Variants in VCAN observed in about 807,000 individuals in gnomAD.
The protein encoded by VCAN is versican core protein.
VCAN carries 44 observed loss-of-function variants against 245.5 expected under a neutral mutation model. That is an observed-to-expected ratio of 0.18 (90% CI 0.14 to 0.23). VCAN has a LOEUF of 0.23. Among genes scored for constraint, VCAN ranks in the 10% least tolerant of loss-of-function variants. The probability of loss-of-function intolerance (pLI) is 1.00; values close to 1 mark genes in which losing one functional copy is unlikely to be tolerated. For missense variants in VCAN, 3,793 were observed against 4,057.9 expected, an observed-to-expected ratio of 0.93 and a Z score of 1.77; for synonymous variants, 1,413 against 1,437.0, an observed-to-expected ratio of 0.98 and a Z score of 0.38.
chr5:83,549,236 C>A (rs569763890), intron 10 of VCAN, among the ~76,000 whole-genome samples: 1 of 152,326 alleles, frequency 6.6e-6, no homozygotes, highest in Admixed American at 6.5e-5. Flanking sequence ...CATTTACTGT[C>A]TTCCAGGCAC....
chr5:83,511,522 G>T (rs565890552), intron 5 of VCAN, among the ~76,000 whole-genome samples: 1 of 151,610 alleles, frequency 6.6e-6, no homozygotes, highest in Non-Finnish European at 1.5e-5. Flanking sequence ...GTAGAATTCT[G>T]TACCACTTCT....
In VCAN at chr5:83,539,080, T is replaced by C. The variant is rs375343825; in HGVS notation, c.6077T>C (p.Leu2026Pro). The C allele has an allele frequency of 3.7e-6, 6 of 1,613,860 alleles. No individual in the cohort carries two copies. Among genetic ancestry groups the C allele is most frequent in the Non-Finnish European group, 5.1e-6 (6 of 1,179,954 alleles). Reference protein sequence around the residue: ...VTVSSSVVPVLPSAVQKFSGT... With the variant: ...VTVSSSVVPVPPSAVQKFSGT... Reference sequence around the variant, plus strand: ...GTCAGCAGCTCTGTTGTTCCAGTGCTTCCCAGTGCTGTGCAAAAGTTTTCT... The same window carrying C: ...GTCAGCAGCTCTGTTGTTCCAGTGCCTCCCAGTGCTGTGCAAAAGTTTTCT... Residue 2026 changes from leucine to proline, a missense_variant, in exon 8 of 15, where the codon CTT becomes CCT. Physicochemically the swap from Leu to Pro is moderately conservative, Grantham distance 98. Around this residue, in one of 5 missense-constraint regions of VCAN, gnomAD observed 3,182 missense variants for 3,250.3 expected, o/e 0.98. Transcript: ENST00000265077.
intron 13 of VCAN, among the ~76,000 whole-genome samples, chr5:83,576,616 T>A (rs1028402003): frequency 6.6e-6 from 1 of 152,138 alleles, no homozygotes; most frequent in Admixed American, 6.5e-5. Flanking sequence ...ATAGGATATA[T>A]GTACCATAAA....
rs1165472138 is a variant in VCAN, at chr5:83,521,888, A to G, written c.3582A>G (p.Ile1194Met). 10 of 1,614,226 alleles carry G rather than the reference A, an allele frequency of 6.2e-6. No homozygotes were observed. In the East Asian group the frequency reaches 2.2e-4, roughly 36 times the overall value. ...LFEKPKATELIEFSTIKVTVP... is the reference protein window; with the variant it reads ...LFEKPKATELMEFSTIKVTVP... Reference sequence around the variant, plus strand: ...AAAAGCCCAAAGCCACAGAACTCATAGAATTTTCAACAATCAAAGTCACAG... The same window carrying G: ...AAAAGCCCAAAGCCACAGAACTCATGGAATTTTCAACAATCAAAGTCACAG... The change falls in exon 7 of 15, where the codon ATA (isoleucine) becomes ATG (methionine). Residue 1194 changes from isoleucine (I) to methionine (M), a missense_variant. Coordinates refer to ENST00000265077, the MANE Select transcript of VCAN (RefSeq NM_004385.5).
chr5:83,580,564 T>G lies in VCAN; in HGVS notation c.*130T>G, dbSNP rs1048238844. The G allele has an allele frequency of 7.2e-7, 1 of 1,390,840 alleles. No homozygotes were observed. Among genetic ancestry groups the G allele is most frequent in the Non-Finnish European group, 1.0e-6 (1 of 1,003,354 alleles). The allele number at this position is 1,390,840 out of a possible 1,614,324, so 86.2% of individuals were successfully genotyped here. A position where few individuals can be genotyped will look rare whatever the true frequency, so the allele number is the denominator to read the frequency against. On this transcript the variant is annotated 3_prime_UTR_variant, in exon 15 of 15. Transcript: ENST00000265077. ...TGGACCACCGTTCAGTCATTTTGGG[T>G]TGCCGTGCTCCCAAAACATTTTAAA...
At chr5:83,562,504 T>C (rs549793539) in intron 12 of VCAN, among the ~76,000 whole-genome samples, 1 of 152,224 alleles carries the variant, frequency 6.6e-6, no homozygotes, top group East Asian at 1.9e-4. Context: ...ATTTTATAAT[T>C]GACAAGATTA....
intron 10 of VCAN, among the ~76,000 whole-genome samples, chr5:83,550,058 G>A (rs1485698999): frequency 6.6e-6 from 1 of 152,200 alleles, no homozygotes; most frequent in Non-Finnish European, 1.5e-5. Flanking sequence ...ACAAAATCTA[G>A]AAAGGGCTAT....
In VCAN at chr5:83,536,814, A is replaced by G. The variant is rs998758248; in HGVS notation, c.4004-193A>G. On this transcript the variant is annotated intron_variant, in intron 7 of 14. Coordinates refer to ENST00000265077, the MANE Select transcript of VCAN (RefSeq NM_004385.5). ...GTTTTAATAATGTTAAATTGAATTC[A>G]TTTTTCTTATTGTTAATACAAAAAC... 9.9e-6 allele frequency: 5 copies of G among 503,426 alleles called. No individual in the cohort carries two copies. The Admixed American group carries it at 1.5e-4, about 15-fold the overall frequency. The allele number at this position is 503,426 out of a possible 1,614,324, so 31.2% of individuals were successfully genotyped here. A position where few individuals can be genotyped will look rare whatever the true frequency, so the allele number is the denominator to read the frequency against.
intron 8 of VCAN, among the ~76,000 whole-genome samples, chr5:83,545,336 T>TCCC (rs1311394498): frequency 6.6e-6 from 1 of 152,140 alleles, no homozygotes; most frequent in African/African-American, 2.4e-5. Context: ...CAGAAATGAA[T>TCCC]AGATGCAATT....
At chr5:83,551,888 A>G (rs1279590516) in intron 10 of VCAN, among the ~76,000 whole-genome samples, 1 of 150,536 alleles carries the variant, frequency 6.6e-6, no homozygotes, top group Non-Finnish European at 1.5e-5. Context: ...AATTTGCTTC[A>G]TTTTGAGGCA....
intron 1 of VCAN, among the ~76,000 whole-genome samples, chr5:83,479,104 T>G (rs1243857253): frequency 6.6e-6 from 1 of 152,136 alleles, no homozygotes; most frequent in East Asian, 1.9e-4. Context: ...TCACGTGATT[T>G]CTCTCTGCTG....
At chr5:83,553,185 C>T (rs190355049) in intron 10 of VCAN, among the ~76,000 whole-genome samples, 179 bp from the exon 11 acceptor site, 2 of 152,256 alleles carry the variant, frequency 1.3e-5, no homozygotes, top group African/African-American at 2.4e-5. Context: ...CCACTTGGCA[C>T]GAATCAGTTG....
At position 83,520,676 on chromosome 5, in the gene VCAN, T is replaced by C. The variant is rs960869863; in HGVS notation, c.2370T>C (p.His790=). ...ATATTACAACAGTGCTTTTGGCCCA[T>C]GGTACTTTAAGTGTTGAAGCAGCCA... The part of the protein sequence containing the change: ...DENITTVLLA[H]GTLSVEAATV... The change falls in exon 7 of 15, where the codon CAT becomes CAC. Residue 790 remains histidine (H), a synonymous_variant. Coordinates refer to ENST00000265077, the MANE Select transcript of VCAN (RefSeq NM_004385.5). 1.9e-6 allele frequency: 3 copies of C among 1,613,988 alleles called. No individual in the cohort carries two copies. Among genetic ancestry groups the C allele is most frequent in the Non-Finnish European group, 2.5e-6 (3 of 1,180,022 alleles).
intron 7 of VCAN, among the ~76,000 whole-genome samples, chr5:83,530,747 G>A (rs1271307075): frequency 6.6e-6 from 1 of 152,096 alleles, no homozygotes; most frequent in Non-Finnish European, 1.5e-5. Context: ...GTGAGGGTGG[G>A]ATGGATGAGG....
chr5:83,578,548 C>T (rs942461244), intron 13 of VCAN, among the ~76,000 whole-genome samples: 9 of 151,782 alleles, frequency 5.9e-5, no homozygotes, highest in Non-Finnish European at 1.3e-4. Flanking sequence ...AAGAACCAAA[C>T]ATTTAAATTA....
At position 83,580,799 on chromosome 5, in the gene VCAN, A is replaced by G. The variant is rs771691389; in HGVS notation, c.*365A>G. 3 of 318,958 alleles carry G rather than the reference A, an allele frequency of 9.4e-6. No individual in the cohort carries two copies. Among genetic ancestry groups the G allele is most frequent in the Non-Finnish European group, 1.8e-5 (3 of 164,296 alleles). 19.8% of individuals were successfully genotyped at this position (318,958 alleles called of 1,614,324 possible). ...ATAAGATGATTTAATGTTGATTTTAATCCTGTATATAAAATAAAAAGTCAC... is the reference window on the plus strand; with the variant it reads ...ATAAGATGATTTAATGTTGATTTTAGTCCTGTATATAAAATAAAAAGTCAC... On this transcript the variant is annotated 3_prime_UTR_variant, in exon 15 of 15. Coordinates refer to ENST00000265077, the MANE Select transcript of VCAN (RefSeq NM_004385.5).
intron 12 of VCAN, among the ~76,000 whole-genome samples, chr5:83,562,672 A>T (rs63262460): frequency 1.3e-3 from 184 of 146,650 alleles, no homozygotes; most frequent in Non-Finnish European, 1.8e-3. Context: ...AAAAAAAAAA[A>T]ATATATTGAA....
intron 12 of VCAN, among the ~76,000 whole-genome samples, chr5:83,567,809 G>A (rs1039248971): frequency 6.6e-6 from 1 of 152,188 alleles, no homozygotes; most frequent in Non-Finnish European, 1.5e-5. Flanking sequence ...TCCCTAAGGG[G>A]TTAAAATGAA....
chr5:83,563,666 G>A (rs160283), intron 12 of VCAN, among the ~76,000 whole-genome samples: 34,313 of 151,988 alleles, frequency 0.23, 4,250 homozygotes, highest in Admixed American at 0.33. Context: ...CTTGCCCTTG[G>A]TATCCAGTGC....
Sources: allele counts gnomAD v4.1 joint callset (sites outside exome capture counted in the v4.1 genomes callset), GRCh38; gene constraint gnomAD v4.1.1; regional missense constraint gnomAD v4.1.1; transcripts MANE v1.5; gene names NCBI Gene and HGNC (gene_info 2026-07-23, HGNC 2026-07-21).